AP3B1: variants seen among roughly 807,000 people sequenced by gnomAD.
The protein encoded by AP3B1 is adaptor related protein complex 3 subunit beta 1.
Under a neutral mutation model 132.5 loss-of-function variants are expected in AP3B1, and 61 were observed. That is an observed-to-expected ratio of 0.46 (90% CI 0.37 to 0.57). The LOEUF (loss-of-function observed/expected upper bound fraction) is 0.57, where lower values mean the gene tolerates loss of function less well. AP3B1 is among the 20% of genes least tolerant of loss of function. AP3B1 has a pLI of 0.00. For synonymous variants in AP3B1, 388 were observed against 438.3 expected, an observed-to-expected ratio of 0.89 and a Z score of 1.43; for missense variants, 1,120 against 1,289.4, an observed-to-expected ratio of 0.87 and a Z score of 2.01.
chr5:78,019,824 G>C (rs1441200495), intron 25 of AP3B1, among the ~76,000 whole-genome samples: 1 of 152,004 alleles, frequency 6.6e-6, no homozygotes, highest in Non-Finnish European at 1.5e-5. Flanking sequence ...ATTTGTGTGT[G>C]CCTAGTACGT....
At chr5:78,225,493 G>C (rs757137966) in intron 6 of AP3B1, 49 bp downstream of exon 6, 5 of 1,031,528 alleles carry the variant, frequency 4.8e-6, no homozygotes, top group South Asian at 4.2e-5. Flanking sequence ...ATGATACTAT[G>C]TAAATAAAGT....
At chr5:78,233,487 G>A (rs761230584) in intron 3 of AP3B1, among the ~76,000 whole-genome samples, 26 of 151,182 alleles carry the variant, frequency 1.7e-4, no homozygotes, top group African/African-American at 5.6e-4. Context: ...CGCCCACCCC[G>A]GCCTCCCAAA....
intron 22 of AP3B1, among the ~76,000 whole-genome samples, chr5:78,059,167 C>CA (rs1180017850): frequency 6.6e-6 from 1 of 152,192 alleles, no homozygotes; most frequent in Admixed American, 6.5e-5. Context: ...GATTCAGTGT[C>CA]AGAGTGATAC....
intron 7 of AP3B1, among the ~76,000 whole-genome samples, chr5:78,202,742 G>A (rs531091183): frequency 2.6e-5 from 4 of 152,148 alleles, no homozygotes; most frequent in Admixed American, 6.5e-5. Flanking sequence ...AAGGGTTTGT[G>A]TGTGTTACTA....
chr5:78,240,887 T>C lies in AP3B1; in HGVS notation c.254A>G (p.Lys85Arg). The change falls in exon 3 of 27, where the codon AAG becomes AGG. Residue 85 changes from lysine (K) to arginine (R), a missense_variant. Transcript: ENST00000255194. ...NASELFPAVV[K>R]NVASKNIEIK... ...CTCAATATTTTTACTGGCCACATTC[T>C]TCACAACAGCAGGAAACAGTTCAGA... The C allele has an allele frequency of 6.2e-7, 1 of 1,613,296 alleles. No individual in the cohort carries two copies. Among genetic ancestry groups the C allele is most frequent in the Non-Finnish European group, 8.5e-7 (1 of 1,179,390 alleles).
At chr5:78,269,206 A>AC (rs36063465) in intron 1 of AP3B1, among the ~76,000 whole-genome samples, 36,252 of 152,074 alleles carry the variant, frequency 0.24, 5,145 homozygotes, top group Non-Finnish European at 0.32. Flanking sequence ...TTTGCTGAAA[A>AC]CAATAGTTGT....
chr5:78,117,275 G>A (rs1751892911), intron 17 of AP3B1, among the ~76,000 whole-genome samples: 1 of 147,738 alleles, frequency 6.8e-6, no homozygotes, highest in African/African-American at 2.5e-5. Flanking sequence ...TAGAATGTAA[G>A]TTTCTGGAGA....
chr5:78,080,423 A>G (rs1034704689), intron 22 of AP3B1, among the ~76,000 whole-genome samples: 6 of 147,966 alleles, frequency 4.1e-5, no homozygotes, highest in South Asian at 2.2e-4. Context: ...TTATGTATCT[A>G]TTCTAGTGAT....
chr5:78,230,097 T>C (rs1294639100), intron 3 of AP3B1, among the ~76,000 whole-genome samples: 1 of 152,192 alleles, frequency 6.6e-6, no homozygotes, highest in Non-Finnish European at 1.5e-5. Context: ...CTTCCACAGA[T>C]ATGACTAATT....
At chr5:78,218,761 C>A (rs1746061568) in intron 6 of AP3B1, among the ~76,000 whole-genome samples, 1 of 152,094 alleles carries the variant, frequency 6.6e-6, no homozygotes, top group African/African-American at 2.4e-5. Context: ...TGGGTCATCA[C>A]AAGAAGTGCA....
intron 3 of AP3B1, among the ~76,000 whole-genome samples, chr5:78,230,359 T>A (rs1243241088): frequency 3.3e-5 from 5 of 152,206 alleles, no homozygotes; most frequent in Non-Finnish European, 7.3e-5. Context: ...ACAAACTTTG[T>A]ACATCTTCAT....
intron 22 of AP3B1, among the ~76,000 whole-genome samples, chr5:78,075,559 C>G (rs1296494721): frequency 1.3e-5 from 2 of 152,186 alleles, no homozygotes; most frequent in Non-Finnish European, 2.9e-5. Context: ...AGCAAAAATC[C>G]GTAAGACTAC....
chr5:78,261,233 C>T (rs1188465963), intron 2 of AP3B1, among the ~76,000 whole-genome samples: 1 of 152,206 alleles, frequency 6.6e-6, no homozygotes, highest in Non-Finnish European at 1.5e-5. Flanking sequence ...ACCAGCAATG[C>T]ATAAGAGTTC....
At position 78,294,656 on chromosome 5, in the gene AP3B1, A is replaced by G; in HGVS notation, c.-77T>C. The G allele has an allele frequency of 6.2e-7, 1 of 1,606,276 alleles. No homozygotes were observed. Among genetic ancestry groups the G allele is most frequent in the Non-Finnish European group, 8.5e-7 (1 of 1,177,536 alleles). The stretch of plus-strand genomic sequence containing the variant: ...AAGGTTCCAGTCCAGAGGGCACGGA[A>G]CAAAACTAGTTCTCGTACGGAGGAG... On this transcript the variant is annotated 5_prime_UTR_variant, in exon 1 of 27. Coordinates refer to ENST00000255194, the MANE Select transcript of AP3B1 (RefSeq NM_003664.5).
intron 22 of AP3B1, among the ~76,000 whole-genome samples, chr5:78,053,881 T>C (rs1282318190): frequency 1.4e-5 from 2 of 144,442 alleles, no homozygotes; most frequent in Non-Finnish European, 3.0e-5. Flanking sequence ...CTTGGAGTTG[T>C]AACTCCTTCA....
At chr5:78,282,251 C>A (rs1231154507) in intron 1 of AP3B1, among the ~76,000 whole-genome samples, 1 of 152,074 alleles carries the variant, frequency 6.6e-6, no homozygotes, top group African/African-American at 2.4e-5. Flanking sequence ...CATTTAGCCC[C>A]TCCTCTTTTT....
intron 6 of AP3B1, 51 bp downstream of exon 6, chr5:78,225,491 A>G: frequency 1.0e-6 from 1 of 994,062 alleles, no homozygotes. Context: ...AAATGATACT[A>G]TGTAAATAAA....
chr5:78,148,985 G>C (rs1380878326), intron 14 of AP3B1, among the ~76,000 whole-genome samples: 2 of 151,972 alleles, frequency 1.3e-5, no homozygotes, highest in East Asian at 3.8e-4. Flanking sequence ...TGTCCATTTC[G>C]GCGGCTTTGA....
intron 18 of AP3B1, 53 bp from the exon 19 acceptor site, chr5:78,113,976 C>G: frequency 1.3e-6 from 2 of 1,570,568 alleles, no homozygotes; most frequent in Non-Finnish European, 1.7e-6. Context: ...ATTAGACACA[C>G]GGACACCTGT....
Sources: allele counts gnomAD v4.1 joint callset (sites outside exome capture counted in the v4.1 genomes callset), GRCh38; gene constraint gnomAD v4.1.1; transcripts MANE v1.5; gene names NCBI Gene and HGNC (gene_info 2026-07-23, HGNC 2026-07-21).